The following SETBP1 variants were observed in gnomAD, a reference collection of about 807,000 sequenced individuals.
SETBP1 encodes SET binding protein 1.
Under a neutral mutation model 101.0 loss-of-function variants are expected in SETBP1, and 9 were observed. The ratio of observed to expected loss-of-function variants is 0.09; its 90% CI spans 0.05 to 0.16. SETBP1 has a LOEUF of 0.16. SETBP1 is among the 10% of genes least tolerant of loss of function. SETBP1 has a pLI of 1.00. For missense variants in SETBP1, 1,858 were observed against 2,033.8 expected (o/e 0.91, Z 1.66); for synonymous variants, 818 against 788.5 (o/e 1.04, Z -0.63).
intron 2 of SETBP1, among the ~76,000 whole-genome samples, chr18:44,767,800 C>T (rs920902266): frequency 3.9e-5 from 6 of 152,098 alleles, no homozygotes; most frequent in South Asian, 2.1e-4. Flanking sequence ...GGGAATAAAA[C>T]GAAATAGACG....
intron 5 of SETBP1, among the ~76,000 whole-genome samples, chr18:45,050,582 G>A (rs2073705494): frequency 6.6e-6 from 1 of 152,166 alleles, no homozygotes; most frequent in African/African-American, 2.4e-5. Context: ...TAGTCTTCAT[G>A]AGACAATCAG....
chr18:44,912,696 C>T (rs143947946), intron 3 of SETBP1, among the ~76,000 whole-genome samples: 2,445 of 152,190 alleles, frequency 0.016, 113 homozygotes, highest in East Asian at 0.13. Flanking sequence ...GGATTACAGG[C>T]GTGAGCCACC....
intron 2 of SETBP1, among the ~76,000 whole-genome samples, chr18:44,815,794 C>A (rs778960364): frequency 6.6e-6 from 1 of 152,182 alleles, no homozygotes; most frequent in Non-Finnish European, 1.5e-5. Context: ...GAGACTCAGA[C>A]AGGCAAAACA....
chr18:44,996,183 T>C (rs997886092), intron 4 of SETBP1, among the ~76,000 whole-genome samples: 1 of 152,208 alleles, frequency 6.6e-6, no homozygotes, highest in Non-Finnish European at 1.5e-5. Context: ...AAAATACTTA[T>C]GAGGCTGCAG....
chr18:44,778,576 G>A (rs1411320826), intron 2 of SETBP1, among the ~76,000 whole-genome samples: 1 of 152,074 alleles, frequency 6.6e-6, no homozygotes, highest in Non-Finnish European at 1.5e-5. Flanking sequence ...CCTTTTCTGG[G>A]GTCAAAATGT....
At chr18:44,813,879 C>T (rs2071915857) in intron 2 of SETBP1, among the ~76,000 whole-genome samples, 1 of 152,094 alleles carries the variant, frequency 6.6e-6, no homozygotes, top group Non-Finnish European at 1.5e-5. Context: ...TGTTGTTAAC[C>T]CTGGAACCTC....
At chr18:45,049,908 T>C (rs541559964) in intron 5 of SETBP1, among the ~76,000 whole-genome samples, 2 of 152,268 alleles carry the variant, frequency 1.3e-5, no homozygotes, top group African/African-American at 4.8e-5. Flanking sequence ...AAACCCAGGT[T>C]TTATCAGTCT....
At chr18:44,691,734 C>A (rs1245920915) in intron 1 of SETBP1, among the ~76,000 whole-genome samples, 2 of 152,130 alleles carry the variant, frequency 1.3e-5, no homozygotes, top group Non-Finnish European at 2.9e-5. Context: ...GCAGAGTCAG[C>A]AGAATCTGAT....
At chr18:45,043,859 C>T (rs1476923971) in intron 5 of SETBP1, among the ~76,000 whole-genome samples, 1 of 152,136 alleles carries the variant, frequency 6.6e-6, no homozygotes, top group Non-Finnish European at 1.5e-5. Context: ...TGAAATTCAG[C>T]ATACTAGTAG....
chr18:44,696,983 ACTGCCGCCC>A (rs578152005), intron 1 of SETBP1, among the ~76,000 whole-genome samples: 128 of 152,210 alleles, frequency 8.4e-4, no homozygotes, highest in African/African-American at 2.9e-3. Flanking sequence ...CCCAGCCCCC[ACTGCCGCCC>A]CTGCCCAAGT....
At chr18:44,817,154 C>G (rs190845027) in intron 2 of SETBP1, among the ~76,000 whole-genome samples, 1 of 152,250 alleles carries the variant, frequency 6.6e-6, no homozygotes, top group African/African-American at 2.4e-5. Flanking sequence ...TAGGGTAGAA[C>G]GAAGAGCATT....
At chr18:44,702,279 G>T (rs1323825617) in intron 2 of SETBP1, among the ~76,000 whole-genome samples, 3 of 152,142 alleles carry the variant, frequency 2.0e-5, no homozygotes, top group Admixed American at 6.5e-5. Context: ...GTTATCTCAG[G>T]GGTGGCAGAG....
At chr18:44,891,821 C>G (rs1015446330) in intron 3 of SETBP1, among the ~76,000 whole-genome samples, 1 of 152,094 alleles carries the variant, frequency 6.6e-6, no homozygotes, top group South Asian at 2.1e-4. Flanking sequence ...TTTTTTTCCT[C>G]TTTAGGTCAC....
chr18:45,013,660 G>C (rs1034990219), intron 4 of SETBP1, among the ~76,000 whole-genome samples: 3 of 152,066 alleles, frequency 2.0e-5, no homozygotes, highest in African/African-American at 7.2e-5. Context: ...GACTGGTCTC[G>C]AACTCCTGAC....
chr18:44,744,190 C>T (rs1211511096), intron 2 of SETBP1, among the ~76,000 whole-genome samples: 1 of 152,254 alleles, frequency 6.6e-6, no homozygotes, highest in Admixed American at 6.5e-5. Flanking sequence ...TCTCAGGCTC[C>T]TGGGTCTCTG....
intron 3 of SETBP1, among the ~76,000 whole-genome samples, chr18:44,898,508 C>T (rs1450455017): frequency 6.6e-6 from 1 of 152,080 alleles, no homozygotes; most frequent in East Asian, 1.9e-4. Flanking sequence ...GGAGGGCTTC[C>T]AGATGTGTAT....
chr18:44,702,287 G>C (rs2144202804), intron 2 of SETBP1, among the ~76,000 whole-genome samples: 1 of 152,320 alleles, frequency 6.6e-6, no homozygotes, highest in South Asian at 2.1e-4. Flanking sequence ...AGGGGTGGCA[G>C]AGGCAGAAGA....
At chr18:44,939,495 G>T (rs1170520217) in intron 3 of SETBP1, among the ~76,000 whole-genome samples, 1 of 152,134 alleles carries the variant, frequency 6.6e-6, no homozygotes, top group African/African-American at 2.4e-5. Flanking sequence ...CCGCTTCAAG[G>T]TGCTAACAAC....
At chr18:44,881,950 G>T (rs376681198) in intron 3 of SETBP1, among the ~76,000 whole-genome samples, 1 of 152,096 alleles carries the variant, frequency 6.6e-6, no homozygotes, top group African/African-American at 2.4e-5. Context: ...AGTGTCGGAC[G>T]GATAACCATT....
Sources: allele counts gnomAD v4.1 joint callset (sites outside exome capture counted in the v4.1 genomes callset), GRCh38; gene constraint gnomAD v4.1.1; transcripts MANE v1.5; gene names NCBI Gene and HGNC (gene_info 2026-07-23, HGNC 2026-07-21).